The following GDI2 variants were observed in gnomAD, a reference collection of about 807,000 sequenced individuals.
The protein encoded by GDI2 is GDP dissociation inhibitor 2.
A neutral mutation model predicts 54.2 loss-of-function variants in GDI2; 22 were observed. The ratio of observed to expected loss-of-function variants is 0.41; its 90% CI spans 0.29 to 0.58. The LOEUF (loss-of-function observed/expected upper bound fraction) is 0.58. Among genes scored for constraint, GDI2 ranks in the 20% least tolerant of loss-of-function variants. GDI2 has a pLI of 0.35. For synonymous variants in GDI2, 177 were observed against 182.1 expected (o/e 0.97, Z 0.23); for missense variants, 422 against 546.0 (o/e 0.77, Z 2.26).
Position 5,765,946 on chromosome 10 carries a change from T to C in GDI2, c.*60A>G, listed in dbSNP as rs888426644. The C allele has an allele frequency of 4.1e-6, 5 of 1,232,564 alleles. No individual in the cohort carries two copies. Among genetic ancestry groups the C allele is most frequent in the East Asian group, 2.4e-5 (1 of 42,418 alleles). The allele number at this position is 1,232,564 out of a possible 1,614,324, so 76.4% of individuals were successfully genotyped here. A position where few individuals can be genotyped will look rare whatever the true frequency, so the allele number is the denominator to read the frequency against. ...GCAGGCCTTACAATATTGATTTCATTATATGCATTATTTGCCAAATTTTAA... is the reference window on the plus strand; with the variant it reads ...GCAGGCCTTACAATATTGATTTCATCATATGCATTATTTGCCAAATTTTAA... On this transcript the variant is annotated 3_prime_UTR_variant, in exon 11 of 11. Coordinates refer to ENST00000380191, the MANE Select transcript of GDI2 (RefSeq NM_001494.4).
chr10:5,795,492 G>GT (rs1564396505), intron 3 of GDI2, among the ~76,000 whole-genome samples: 1 of 151,932 alleles, frequency 6.6e-6, no homozygotes, highest in African/African-American at 2.4e-5. Context: ...CATATTACAC[G>GT]TTTTTGTTAT....
Position 5,776,912 on chromosome 10 carries a change from T to A in GDI2, c.720-2971A>T. 1 of 735,754 alleles carries A rather than the reference T, an allele frequency of 1.4e-6. No homozygotes were observed. Among genetic ancestry groups the A allele is most frequent in the Non-Finnish European group, 2.2e-6 (1 of 461,766 alleles). The allele number at this position is 735,754 out of a possible 1,614,324, so 45.6% of individuals were successfully genotyped here. ...GAAGAGGAAATAATGCGAAAACAGT[T>A]AATCCAGCAAAAAAATTAAAAGGGA... is the stretch of plus-strand genomic sequence containing the variant. On this transcript the variant is annotated intron_variant, in intron 6 of 10. Coordinates refer to ENST00000380191, the MANE Select transcript of GDI2 (RefSeq NM_001494.4). The surrounding 1 kb of genome is among the most constrained non-coding windows in gnomAD (Gnocchi z 5.3).
intron 6 of GDI2, among the ~76,000 whole-genome samples, chr10:5,775,598 G>A (rs750897511): frequency 7.2e-5 from 11 of 152,142 alleles, no homozygotes; most frequent in Non-Finnish European, 1.3e-4. Flanking sequence ...ACAAATCTAT[G>A]ATAAAATATC....
chr10:5,809,243 T>TCAAAAAAAAACAA (rs1554791047), intron 1 of GDI2, among the ~76,000 whole-genome samples: 2 of 70,324 alleles, frequency 2.8e-5, no homozygotes, highest in Admixed American at 3.1e-4. Context: ...AGACTCCATC[T>TCAAAAAAAAACAA]CAAAAAAAAA....
intron 2 of GDI2, among the ~76,000 whole-genome samples, chr10:5,800,093 C>T (rs1459486566): frequency 6.6e-6 from 1 of 152,146 alleles, no homozygotes. Flanking sequence ...AGGTGTTCAA[C>T]AAACCTCACG....
rs111773511 is a variant in GDI2 at position 5,777,596 on chromosome 10, C to T, written c.720-3655G>A. On this transcript the variant is annotated intron_variant, in intron 6 of 10. Transcript: ENST00000380191. The stretch of plus-strand genomic sequence containing the variant: ...CAAAACCATGTGAGAAACCGTCTCA[C>T]GCCAGCTGGAATGGTGATCGTTAAA... 9.2e-5 allele frequency among the ~76,000 whole-genome samples: 14 copies of T among 152,180 alleles called. No individual in the cohort carries two copies. The South Asian group carries it at 1.0e-3, about 11-fold the overall frequency.
chr10:5,795,136 A>C, intron 3 of GDI2, 117 bp from the exon 4 acceptor site: 1 of 670,554 alleles, frequency 1.5e-6, no homozygotes, highest in Non-Finnish European at 2.6e-6. Context: ...CCAACAAAAT[A>C]ATTTTTTTTT....
intron 6 of GDI2, among the ~76,000 whole-genome samples, chr10:5,779,736 C>A (rs1328076067): frequency 1.3e-5 from 2 of 150,804 alleles, no homozygotes; most frequent in Non-Finnish European, 1.5e-5. Context: ...CTCTGTCACC[C>A]ACACTGAAAT....
intron 1 of GDI2, among the ~76,000 whole-genome samples, chr10:5,802,013 G>T (rs1554790314): frequency 1.3e-5 from 2 of 151,796 alleles, no homozygotes; most frequent in East Asian, 1.9e-4. Flanking sequence ...GTAGCAAAAA[G>T]AATTAATAAA....
Position 5,773,869 on chromosome 10 carries a change from T to A in GDI2, c.792A>T (p.Lys264Asn). The A allele has an allele frequency of 6.6e-7, 1 of 1,510,268 alleles. No homozygotes were observed. Among genetic ancestry groups the A allele is most frequent in the Admixed American group, 1.7e-5 (1 of 57,932 alleles). The allele number at this position is 1,510,268 out of a possible 1,614,324, so 93.6% of individuals were successfully genotyped here. A position where few individuals can be genotyped will look rare whatever the true frequency, so the allele number is the denominator to read the frequency against. Residue 264 changes from lysine (K) to asparagine (N), a missense_variant, in exon 7 of 11, where the codon AAA becomes AAT. Lys to Asn is a moderately conservative substitution (Grantham distance 94). Transcript: ENST00000380191. ...CTCCTTCAGATTTTACACCAATTACTTTTCCATTCTGTACAATGATTTCTT... is the reference window on the plus strand; with the variant it reads ...CTCCTTCAGATTTTACACCAATTACATTTCCATTCTGTACAATGATTTCTT... The part of the protein sequence containing the change: ...PIEEIIVQNG[K>N]VIGVKSEGEI...
At chr10:5,783,937 G>C (rs1180101355) in intron 6 of GDI2, among the ~76,000 whole-genome samples, 1 of 152,168 alleles carries the variant, frequency 6.6e-6, no homozygotes, top group Non-Finnish European at 1.5e-5. Context: ...TTTTTGTGAT[G>C]AATTTCCCAG....
At chr10:5,803,073 A>G (rs755730369) in intron 1 of GDI2, among the ~76,000 whole-genome samples, 36 of 152,240 alleles carry the variant, frequency 2.4e-4, no homozygotes, top group Admixed American at 6.5e-4. Context: ...TCGCAACAGA[A>G]CTGAACACAG....
At chr10:5,802,400 A>T (rs577504606) in intron 1 of GDI2, among the ~76,000 whole-genome samples, 1 of 152,262 alleles carries the variant, frequency 6.6e-6, no homozygotes, top group South Asian at 2.1e-4. Context: ...GGAGATTGAG[A>T]CCATCCTGGC....
chr10:5,794,187 AAATATATATATATATATATATAT>A (rs1346866743), intron 4 of GDI2, among the ~76,000 whole-genome samples: 895 of 40,288 alleles, frequency 0.022, 97 homozygotes, highest in South Asian at 0.034. Flanking sequence ...AAAAAAAAAA[AAATATATATATATATATATATAT>A]ATATATATAT....
intron 4 of GDI2, among the ~76,000 whole-genome samples, chr10:5,790,400 T>C (rs575753083): frequency 1.3e-5 from 2 of 152,264 alleles, no homozygotes; most frequent in African/African-American, 4.8e-5. Flanking sequence ...TCCCAGCACG[T>C]TGGGAGAACG....
intron 1 of GDI2, among the ~76,000 whole-genome samples, chr10:5,802,067 A>C (rs549667458): frequency 6.6e-6 from 1 of 152,294 alleles, no homozygotes; most frequent in African/African-American, 2.4e-5. Context: ...TCTTTTAAAC[A>C]TTGTGTGTGA....
chr10:5,780,024 A>T lies in GDI2; in HGVS notation c.719+5118T>A, dbSNP rs562336265. On this transcript the variant is annotated intron_variant, in intron 6 of 10. Coordinates refer to ENST00000380191, the MANE Select transcript of GDI2 (RefSeq NM_001494.4). ...CAGAAGTTCAACACCAGCCTGGGCA[A>T]CATGGTGAGACTCCATCTCTACCAA... Among the ~76,000 whole-genome samples the T allele has an allele frequency of 4.6e-5, 7 of 152,076 alleles. No homozygotes were observed. In the South Asian group the frequency reaches 1.5e-3, roughly 32 times the overall value.
intron 1 of GDI2, among the ~76,000 whole-genome samples, chr10:5,807,405 A>C (rs1039117985): frequency 1.3e-5 from 2 of 152,252 alleles, no homozygotes; most frequent in Non-Finnish European, 2.9e-5. Context: ...TCTATCATGT[A>C]CATCAAGTAA....
chr10:5,801,870 G>C (rs1447044114), intron 1 of GDI2, among the ~76,000 whole-genome samples: 2 of 151,898 alleles, frequency 1.3e-5, no homozygotes, highest in Non-Finnish European at 1.5e-5. Context: ...AATTAGCAGG[G>C]CATGGTGGTG....
Sources: allele counts gnomAD v4.1 joint callset (sites outside exome capture counted in the v4.1 genomes callset), GRCh38; gene constraint gnomAD v4.1.1; non-coding constraint Gnocchi (gnomAD v3.1); transcripts MANE v1.5; gene names NCBI Gene and HGNC (gene_info 2026-07-23, HGNC 2026-07-21).